The following ALDH3B2 variants were observed in gnomAD, a reference collection of about 807,000 sequenced individuals.
The protein encoded by ALDH3B2 is aldehyde dehydrogenase 3 family member B2, also known as aldehyde dehydrogenase family 3 member B2.
Under a neutral mutation model 36.7 loss-of-function variants are expected in ALDH3B2, and 45 were observed. That is an observed-to-expected ratio of 1.23 (90% CI 0.97 to 1.57). The LOEUF (loss-of-function observed/expected upper bound fraction) is 1.57. ALDH3B2 is among the 40% of genes most tolerant of loss of function. The pLI, the probability that ALDH3B2 is intolerant of heterozygous loss-of-function variation, is 0.00. For missense variants in ALDH3B2, 464 were observed against 513.3 expected, an observed-to-expected ratio of 0.90 and a Z score of 0.93; for synonymous variants, 217 against 226.5, an observed-to-expected ratio of 0.96 and a Z score of 0.38.
chr11:67,673,315 T>C (rs1856184217), intron 1 of ALDH3B2, among the ~76,000 whole-genome samples: 1 of 152,178 alleles, frequency 6.6e-6, no homozygotes, highest in African/African-American at 2.4e-5. Context: ...CTGGGTCCCA[T>C]AGGTGACCAC....
At chr11:67,671,791 C>T (rs1283244074) in intron 1 of ALDH3B2, among the ~76,000 whole-genome samples, 8 of 151,450 alleles carry the variant, frequency 5.3e-5, no homozygotes, top group Non-Finnish European at 1.2e-4. Flanking sequence ...GATCCGCCCA[C>T]CTTGGCCTCC....
rs1280865017 is a variant in ALDH3B2 at position 67,669,029 on chromosome 11, T to TTGTGTG, written c.-244-1400_-244-1395dup. On this transcript the variant is annotated intron_variant, in intron 1 of 9. Transcript: ENST00000349015. Reference sequence around the variant, plus strand: ...TGTGTATATGGGTGTCTGTGTCTCTTTGTGTGTATGGATGTCTGTGTCTCT... The same window carrying TTGTGTG: ...TGTGTATATGGGTGTCTGTGTCTCTTTGTGTGTGTGTGTATGGATGTCTGTGTCTCT... Among the ~76,000 whole-genome samples the TTGTGTG allele has an allele frequency of 1.7e-3, 238 of 142,202 alleles. 3 individuals are homozygous for TTGTGTG. Among genetic ancestry groups the TTGTGTG allele is most frequent in the East Asian group, 1.1e-3 (5 of 4,676 alleles). 93.3% of individuals were successfully genotyped at this position (142,202 alleles called of 152,430 possible). A position where few individuals can be genotyped will look rare whatever the true frequency, so the allele number is the denominator to read the frequency against.
intron 1 of ALDH3B2, among the ~76,000 whole-genome samples, chr11:67,674,174 G>C (rs1001338767): frequency 1.3e-5 from 2 of 152,126 alleles, no homozygotes; most frequent in African/African-American, 4.8e-5. Flanking sequence ...GGGGCTCCTG[G>C]GGAACAGGCT....
At chr11:67,663,551 C>T in intron 9 of ALDH3B2, 111 bp downstream of exon 9, 4 of 1,348,270 alleles carry the variant, frequency 3.0e-6, no homozygotes, top group South Asian at 2.7e-5. Context: ...GAAACTGAGG[C>T]CTTGAGAGGC....
At chr11:67,677,335 A>G (rs969032761), upstream of ALDH3B2, among the ~76,000 whole-genome samples, 3 of 152,212 alleles carry the variant, frequency 2.0e-5, no homozygotes. Context: ...TCACATAACC[A>G]GAATTAAAAA....
upstream of ALDH3B2, among the ~76,000 whole-genome samples, chr11:67,676,363 G>A (rs1168496212): frequency 6.6e-6 from 1 of 152,078 alleles, no homozygotes; most frequent in Non-Finnish European, 1.5e-5. Context: ...TGAGCATTGG[G>A]TCAAAAACAA....
At chr11:67,663,840 G>GTGAGGA in intron 8 of ALDH3B2, 79 bp from the exon 9 acceptor site, 1 of 1,281,052 alleles carries the variant, frequency 7.8e-7, no homozygotes, top group Non-Finnish European at 1.1e-6. Context: ...CACAGCGGAG[G>GTGAGGA]TGAGCCTCAT....
At chr11:67,679,661 C>T (rs1335616327), upstream of ALDH3B2, among the ~76,000 whole-genome samples, 1 of 151,644 alleles carries the variant, frequency 6.6e-6, no homozygotes, top group Non-Finnish European at 1.5e-5. Context: ...CACCTGTAGT[C>T]CCAGCTACTT....
At position 67,666,751 on chromosome 11, in the gene ALDH3B2, C is replaced by T. The variant is rs1407109262; in HGVS notation, c.31-57G>A. 72 of 1,610,432 alleles carry T rather than the reference C, an allele frequency of 4.5e-5. 2 individuals are homozygous for T. The South Asian group carries it at 7.4e-4, about 16-fold the overall frequency. On this transcript the variant is annotated intron_variant, in intron 3 of 9. Coordinates refer to ENST00000349015, the Ensembl canonical transcript of ALDH3B2. ...CAAGGGCCACCCCAAAGCCCACCCA[C>T]TGCACACTTGGGGCCTCAGCTCCCT...
upstream of ALDH3B2, among the ~76,000 whole-genome samples, chr11:67,679,055 A>G (rs1856321986): frequency 6.6e-6 from 1 of 152,074 alleles, no homozygotes; most frequent in Admixed American, 6.6e-5. Context: ...GGGATAAAAG[A>G]CAACAAGTAT....
chr11:67,666,886 C>G lies in ALDH3B2; in HGVS notation c.30+20G>C, dbSNP rs374258648. 6.2e-7 allele frequency: 1 copy of G among 1,614,178 alleles called. No homozygotes were observed. Among genetic ancestry groups the G allele is most frequent in the Admixed American group, 1.7e-5 (1 of 60,028 alleles). ...CCGGTGCCCTGCCCTGCCCTCCTGC[C>G]GCCTGCCAGCAGGGCTCACCAGGTT... On this transcript the variant is annotated intron_variant, in intron 3 of 9. Coordinates refer to ENST00000349015, the Ensembl canonical transcript of ALDH3B2.
intron 6 of ALDH3B2, 94 bp downstream of exon 6, chr11:67,666,028 C>T: frequency 6.7e-7 from 1 of 1,485,342 alleles, no homozygotes; most frequent in Non-Finnish European, 9.3e-7. Context: ...CGTGCCCCCA[C>T]TGCTGGCCCC....
chr11:67,667,569 C>T (rs371590524), exon 2 of ALDH3B2: 53 of 381,196 alleles, frequency 1.4e-4, no homozygotes, highest in African/African-American at 1.0e-3. Context: ...GGAACTCGGC[C>T]GGCCGCGTGC....
rs184141737 is a variant in ALDH3B2, at chr11:67,662,940, C to T, written c.*275G>A. 3.4e-5 allele frequency: 16 copies of T among 474,354 alleles called. No individual in the cohort carries two copies. In the East Asian group the frequency reaches 5.5e-4, roughly 16 times the overall value. The allele number at this position is 474,354 out of a possible 1,614,324, so 29.4% of individuals were successfully genotyped here. On this transcript the variant is annotated 3_prime_UTR_variant, in exon 10 of 10. Coordinates refer to ENST00000349015, the Ensembl canonical transcript of ALDH3B2. ...TGTGACTGGGTCTGGCCAACCCTGA[C>T]CGAGAGGGCAAAGGGCTGGAATTGG...
At chr11:67,680,887 C>A (rs1012562864) in intron 1 of ALDH3B2, among the ~76,000 whole-genome samples, 4 of 152,144 alleles carry the variant, frequency 2.6e-5, no homozygotes, top group African/African-American at 9.7e-5. Flanking sequence ...AAGCACCCTC[C>A]CTCTGGGCCC....
At chr11:67,678,636 C>CATATATAT (rs34057662), upstream of ALDH3B2, among the ~76,000 whole-genome samples, 710 of 146,686 alleles carry the variant, frequency 4.8e-3, 7 homozygotes, top group African/African-American at 0.017. Context: ...TACTATGGTA[C>CATATATAT]ATATATATAT....
intron 1 of ALDH3B2, among the ~76,000 whole-genome samples, chr11:67,668,628 ATG>A (rs973454259): frequency 2.1e-5 from 3 of 141,644 alleles, no homozygotes; most frequent in Admixed American, 6.8e-5. Flanking sequence ...TTGTGTGTCT[ATG>A]TGTGTGTGTG....
intron 1 of ALDH3B2, 139 bp downstream of exon 1, chr11:67,674,297 C>G (rs537225271): frequency 6.6e-6 from 1 of 152,608 alleles, no homozygotes; most frequent in Admixed American, 6.5e-5. Context: ...CCCCTGCAGC[C>G]ATAGGCCCCT....
upstream of ALDH3B2, among the ~76,000 whole-genome samples, chr11:67,677,866 A>C (rs1856298808): frequency 6.6e-6 from 1 of 152,158 alleles, no homozygotes; most frequent in Non-Finnish European, 1.5e-5. Context: ...GCAAAAAAAC[A>C]AACAAAAAAA....
Sources: gnomAD v4.1 joint callset for allele counts (sites outside exome capture counted in the v4.1 genomes callset) on GRCh38, gnomAD v4.1.1 for gene constraint, MANE v1.5 for transcripts, NCBI Gene and HGNC (gene_info 2026-07-23, HGNC 2026-07-21) for gene names.